GNE: variants seen among roughly 807,000 people sequenced by gnomAD.
GNE encodes the protein bifunctional UDP-N-acetylglucosamine 2-epimerase/N-acetylmannosamine kinase.
A neutral mutation model predicts 61.8 loss-of-function variants in GNE; 41 were observed. That is an observed-to-expected ratio of 0.66 (90% CI 0.52 to 0.86). GNE has a LOEUF of 0.86. Ranked by LOEUF, GNE falls within the 40% of genes least tolerant of loss-of-function variation. The pLI, the probability that GNE is intolerant of heterozygous loss-of-function variation, is 0.00. For missense variants in GNE, 608 were observed against 909.1 expected, an observed-to-expected ratio of 0.67 and a Z score of 4.26; for synonymous variants, 264 against 326.4, an observed-to-expected ratio of 0.81 and a Z score of 2.06.
chr9:36,275,270 A>C (rs1267666283), intron 1 of GNE, among the ~76,000 whole-genome samples: 1 of 151,986 alleles, frequency 6.6e-6, no homozygotes, highest in African/African-American at 2.4e-5. Flanking sequence ...TGACCTCTGC[A>C]CCTCCTTTCT....
At chr9:36,235,276 C>A (rs900061862) in intron 4 of GNE, among the ~76,000 whole-genome samples, 1 of 152,164 alleles carries the variant, frequency 6.6e-6, no homozygotes, top group Non-Finnish European at 1.5e-5. Context: ...GGTTTCGATT[C>A]AGTTGAAAGC....
chr9:36,218,628 C>A lies in GNE; in HGVS notation c.1817-329G>T, dbSNP rs983826677. Reference sequence around the variant, plus strand: ...TTTCTCCAAATTATCACCCTCCTCCCACATTCACTCCTTCCTTACTCATCC... The same window carrying A: ...TTTCTCCAAATTATCACCCTCCTCCAACATTCACTCCTTCCTTACTCATCC... On this transcript the variant is annotated intron_variant, in intron 10 of 11. Coordinates refer to ENST00000642385, the MANE Select transcript of GNE (RefSeq NM_005476.7). This position sits in a 1 kb window ranked among gnomAD's most constrained non-coding sequence, Gnocchi z 4.1. Among the ~76,000 whole-genome samples, 1 of 152,218 alleles carries A rather than the reference C, an allele frequency of 6.6e-6. No individual in the cohort carries two copies. The highest frequency in any genetic ancestry group is 1.5e-5 in the Non-Finnish European group (1 of 68,046).
In GNE at chr9:36,234,131, C is replaced by T. The variant is rs760271835; in HGVS notation, c.771G>A (p.Gly257=). 1 of 1,612,156 alleles carries T rather than the reference C, an allele frequency of 6.2e-7. No homozygotes were observed. The highest frequency in any genetic ancestry group is 1.3e-5 in the African/African-American group (1 of 74,982). Residue 257 remains glycine (G), a splice_region_variant and synonymous_variant, in exon 5 of 12, where the codon GGG becomes GGA. Transcript: ENST00000642385. ...TLVLFPNIDA[G]SKEMVRVMRK... Reference sequence around the variant, plus strand: ...GCATCACTCGAACCATCTCTTTGCTCCCTATGAAAATGAAAAGAACCAATT... The same window carrying T: ...GCATCACTCGAACCATCTCTTTGCTTCCTATGAAAATGAAAAGAACCAATT...
chr9:36,217,257 C>G lies in GNE; in HGVS notation c.*108G>C, dbSNP rs138660882. ...GAAAACATTTCTCTGCCAAAGTCAC[C>G]TGCAGTTCAATACCAGATTTGATTG... On this transcript the variant is annotated 3_prime_UTR_variant, in exon 12 of 12. Coordinates refer to ENST00000642385, the MANE Select transcript of GNE (RefSeq NM_005476.7). 1.3e-5 allele frequency: 10 copies of G among 782,986 alleles called. No homozygotes were observed. The highest frequency in any genetic ancestry group is 1.1e-4 in the East Asian group (4 of 37,644). 48.5% of individuals were successfully genotyped at this position (782,986 alleles called of 1,614,324 possible).
At chr9:36,261,531 C>T (rs1472984667), upstream of GNE, among the ~76,000 whole-genome samples, 1 of 140,492 alleles carries the variant, frequency 7.1e-6, no homozygotes, top group South Asian at 2.2e-4. Flanking sequence ...CCAGCCTGGG[C>T]GACAGAGTGA....
upstream of GNE, among the ~76,000 whole-genome samples, chr9:36,262,291 C>G (rs1830638202): frequency 6.6e-6 from 1 of 151,976 alleles, no homozygotes; most frequent in Non-Finnish European, 1.5e-5. Context: ...TGTGTTTGAC[C>G]AACACTGAGA....
At chr9:36,273,924 C>T (rs1294436213) in intron 1 of GNE, among the ~76,000 whole-genome samples, 5 of 152,036 alleles carry the variant, frequency 3.3e-5, no homozygotes, top group South Asian at 2.1e-4. Flanking sequence ...TGTGAGCCAT[C>T]GCGTCCGGCC....
intron 1 of GNE, among the ~76,000 whole-genome samples, chr9:36,266,339 C>A (rs1476270713): frequency 1.3e-5 from 2 of 152,248 alleles, no homozygotes; most frequent in African/African-American, 2.4e-5. Flanking sequence ...ACCTTACAAA[C>A]CAGATATCAC....
intron 3 of GNE, among the ~76,000 whole-genome samples, chr9:36,237,803 C>A (rs1174857092): frequency 6.6e-6 from 1 of 151,604 alleles, no homozygotes; most frequent in Non-Finnish European, 1.5e-5. Flanking sequence ...GTCTTCTATC[C>A]CTCGCCCCCT....
intron 7 of GNE, among the ~76,000 whole-genome samples, chr9:36,226,450 C>T (rs555063517): frequency 6.6e-6 from 1 of 152,048 alleles, no homozygotes; most frequent in African/African-American, 2.4e-5. Context: ...TCCCAAAGTG[C>T]TGGGATTACA....
At chr9:36,273,252 CTG>C (rs1055347019) in intron 1 of GNE, among the ~76,000 whole-genome samples, 1 of 148,184 alleles carries the variant, frequency 6.7e-6, no homozygotes, top group East Asian at 2.0e-4. Flanking sequence ...ATGTCTCACT[CTG>C]TGGCTCAGGC....
intron 3 of GNE, among the ~76,000 whole-genome samples, chr9:36,239,535 C>T (rs545363584): frequency 1.3e-5 from 2 of 151,696 alleles, no homozygotes; most frequent in Admixed American, 6.6e-5. Flanking sequence ...TGCAATGGTG[C>T]GATCTCGGCT....
intron 1 of GNE, among the ~76,000 whole-genome samples, chr9:36,264,517 C>T (rs1830705482): frequency 6.6e-6 from 1 of 152,150 alleles, no homozygotes; most frequent in Admixed American, 6.6e-5. Context: ...GGAGAATCCC[C>T]AACCTTATTT....
At chr9:36,272,917 C>T (rs55792162) in intron 1 of GNE, among the ~76,000 whole-genome samples, 4 of 38,336 alleles carry the variant, frequency 1.0e-4, no homozygotes, top group Admixed American at 3.5e-4. Context: ...AGTAAAAATA[C>T]AAAAAAAAAA....
chr9:36,235,624 A>T (rs7851602), intron 4 of GNE, among the ~76,000 whole-genome samples: 3 of 151,994 alleles, frequency 2.0e-5, no homozygotes, highest in Non-Finnish European at 4.4e-5. Flanking sequence ...AAAAATTTAA[A>T]GGTCAGAAAA....
chr9:36,231,437 C>G (rs1227756073), intron 5 of GNE, among the ~76,000 whole-genome samples: 1 of 152,184 alleles, frequency 6.6e-6, no homozygotes, highest in Non-Finnish European at 1.5e-5. Context: ...AGAACAGTAT[C>G]ATTTCAGACA....
In GNE at chr9:36,227,295, C is replaced by T. The variant is rs369714039; in HGVS notation, c.1234G>A (p.Val412Ile). ...CGGAGGTTCGTCCCGCCAAGATCAA[C>T]GGCCAAGGCACTTAGAGTTTCAAGA... ...HILETLSALAVDLGGTNLRVA... is the reference protein window; with the variant it reads ...HILETLSALAIDLGGTNLRVA... The change falls in exon 7 of 12, where the codon GTT becomes ATT. Residue 412 changes from valine (V) to isoleucine (I), a missense_variant. Physicochemically the swap from Val to Ile is conservative, Grantham distance 29. Coordinates refer to ENST00000642385, the MANE Select transcript of GNE (RefSeq NM_005476.7). 95 of 1,613,474 alleles carry T rather than the reference C, an allele frequency of 5.9e-5. No homozygotes were observed. The East Asian group carries it at 8.2e-4, about 14-fold the overall frequency.
chr9:36,240,199 T>C (rs1178031526), intron 3 of GNE, among the ~76,000 whole-genome samples: 4 of 152,200 alleles, frequency 2.6e-5, no homozygotes, highest in Admixed American at 2.6e-4. Context: ...AGTACCATGT[T>C]GAAGAGGAGT....
intron 4 of GNE, among the ~76,000 whole-genome samples, chr9:36,236,063 G>A (rs1454267989): frequency 6.6e-6 from 1 of 152,202 alleles, no homozygotes; most frequent in Non-Finnish European, 1.5e-5. Context: ...ACTGGCTGGG[G>A]ACTCCAGATT....
Sources: allele counts gnomAD v4.1 joint callset (sites outside exome capture counted in the v4.1 genomes callset), GRCh38; gene constraint gnomAD v4.1.1; non-coding constraint Gnocchi (gnomAD v3.1); transcripts MANE v1.5; gene names NCBI Gene and HGNC (gene_info 2026-07-23, HGNC 2026-07-21).